Variants in GSK3B observed in about 807,000 individuals in gnomAD.
GSK3B encodes glycogen synthase kinase-3 beta.
Under a neutral mutation model 56.4 loss-of-function variants are expected in GSK3B, and 15 were observed. The observed-to-expected ratio is 0.27, with a 90% CI of 0.18 to 0.41. The LOEUF is 0.41. Ranked by LOEUF, GSK3B falls within the 10% of genes least tolerant of loss-of-function variation. The pLI, the probability that GSK3B is intolerant of heterozygous loss-of-function variation, is 1.00. For synonymous variants in GSK3B, 181 were observed against 188.9 expected (o/e 0.96, Z 0.34); for missense variants, 300 against 513.4 (o/e 0.58, Z 4.02).
intron 7 of GSK3B, among the ~76,000 whole-genome samples, chr3:119,880,848 T>C (rs974027146): frequency 2.0e-5 from 3 of 152,092 alleles, no homozygotes; most frequent in Non-Finnish European, 4.4e-5. Context: ...AATAAGCTTA[T>C]CAACAATTCC....
At chr3:119,990,097 A>G (rs577400493) in intron 2 of GSK3B, among the ~76,000 whole-genome samples, 1 of 152,298 alleles carries the variant, frequency 6.6e-6, no homozygotes, top group Non-Finnish European at 1.5e-5. Flanking sequence ...ATGACCATAA[A>G]CCACAAATAA....
chr3:120,026,959 T>C (rs1272388999), intron 1 of GSK3B, among the ~76,000 whole-genome samples: 1 of 151,060 alleles, frequency 6.6e-6, no homozygotes, highest in Non-Finnish European at 1.5e-5. Flanking sequence ...TAATCCCAGC[T>C]ACTTGGGAGG....
At chr3:119,930,351 G>T (rs1409007038) in intron 3 of GSK3B, among the ~76,000 whole-genome samples, 1 of 151,772 alleles carries the variant, frequency 6.6e-6, no homozygotes, top group Non-Finnish European at 1.5e-5. Context: ...ACGCAATAAG[G>T]GGCAACAGTT....
chr3:120,034,737 A>C (rs1439056917), intron 1 of GSK3B, among the ~76,000 whole-genome samples: 2 of 152,194 alleles, frequency 1.3e-5, no homozygotes, highest in African/African-American at 4.8e-5. Context: ...TTAAACTCCT[A>C]ATCACAAAGT....
intron 1 of GSK3B, among the ~76,000 whole-genome samples, chr3:120,086,553 T>C (rs181684814): frequency 7.1e-4 from 108 of 152,254 alleles, no homozygotes; most frequent in Admixed American, 1.6e-3. Flanking sequence ...ATCCCAGCAC[T>C]GTGGGAGGCT....
chr3:119,876,942 A>G (rs2056321856), intron 7 of GSK3B, among the ~76,000 whole-genome samples: 2 of 152,294 alleles, frequency 1.3e-5, no homozygotes, highest in South Asian at 4.1e-4. Context: ...TCCAGTCTCT[A>G]GAACAGTGAA....
intron 1 of GSK3B, among the ~76,000 whole-genome samples, chr3:120,017,172 C>CTA (rs1327285604): frequency 6.6e-6 from 1 of 152,038 alleles, no homozygotes; most frequent in Non-Finnish European, 1.5e-5. Context: ...AATTAGTACG[C>CTA]TATACATGGA....
Position 120,000,654 on chromosome 3 carries a change from G to A in GSK3B, c.282+1392C>T, listed in dbSNP as rs145994229. Among the ~76,000 whole-genome samples, 491 of 151,950 alleles carry A rather than the reference G, an allele frequency of 3.2e-3. 3 individuals are homozygous for A. Among genetic ancestry groups the A allele is most frequent in the African/African-American group, 0.011 (449 of 41,440 alleles). On this transcript the variant is annotated intron_variant, in intron 2 of 10. Coordinates refer to ENST00000264235, the MANE Select transcript of GSK3B (RefSeq NM_001146156.2). ...TAGTGACAGAGGCTTAATTACACCC[G>A]GTGTCTTCTGACTCTCTCTGCTATA... is the stretch of plus-strand genomic sequence containing the variant.
chr3:120,030,222 G>C (rs1290205106), intron 1 of GSK3B, among the ~76,000 whole-genome samples: 1 of 152,060 alleles, frequency 6.6e-6, no homozygotes, highest in Non-Finnish European at 1.5e-5. Context: ...TTCTAGGCTT[G>C]GTCCTAGACT....
At chr3:119,856,463 G>T (rs990181645) in intron 9 of GSK3B, among the ~76,000 whole-genome samples, 1 of 152,136 alleles carries the variant, frequency 6.6e-6, no homozygotes, top group Non-Finnish European at 1.5e-5. Flanking sequence ...CAAAGTAGCA[G>T]GGTGGACCAA....
intron 1 of GSK3B, among the ~76,000 whole-genome samples, chr3:120,024,178 T>G (rs2057903943): frequency 6.6e-6 from 1 of 152,020 alleles, no homozygotes; most frequent in Non-Finnish European, 1.5e-5. Flanking sequence ...AAAAAAAATT[T>G]TTTTTTAATT....
intron 1 of GSK3B, chr3:120,084,478 A>G (rs1050296094): frequency 3.3e-5 from 5 of 152,204 alleles, no homozygotes; most frequent in Non-Finnish European, 7.4e-5. Context: ...CTTCTGCACT[A>G]TTTGATTTCT....
chr3:119,949,502 C>A (rs911926897), intron 2 of GSK3B, among the ~76,000 whole-genome samples: 1 of 151,962 alleles, frequency 6.6e-6, no homozygotes, highest in Non-Finnish European at 1.5e-5. Flanking sequence ...AAAGATAATA[C>A]GGCTGCATCA....
chr3:119,946,146 T>A (rs1170635838), intron 3 of GSK3B, among the ~76,000 whole-genome samples: 2 of 151,670 alleles, frequency 1.3e-5, no homozygotes, highest in Non-Finnish European at 2.9e-5. Context: ...CTAACTATAG[T>A]TGTTAAAACG....
chr3:119,929,184 T>C (rs1167719293), intron 3 of GSK3B, among the ~76,000 whole-genome samples: 5 of 152,154 alleles, frequency 3.3e-5, no homozygotes, highest in African/African-American at 9.7e-5. Context: ...TCAGTTCCCA[T>C]TGTAAATGAG....
chr3:120,042,554 G>A (rs929103556), intron 1 of GSK3B, among the ~76,000 whole-genome samples: 14 of 152,264 alleles, frequency 9.2e-5, no homozygotes, highest in Admixed American at 3.3e-4. Flanking sequence ...TGCCTCTAAC[G>A]GGTTGTCTAA....
intron 1 of GSK3B, among the ~76,000 whole-genome samples, chr3:120,060,125 T>A (rs1401236352): frequency 6.6e-6 from 1 of 152,136 alleles, no homozygotes; most frequent in Non-Finnish European, 1.5e-5. Flanking sequence ...GGTGCTTATA[T>A]CTTAAAATCG....
intron 2 of GSK3B, among the ~76,000 whole-genome samples, chr3:119,950,338 G>T (rs145300785): frequency 3.9e-5 from 6 of 152,304 alleles, no homozygotes; most frequent in African/African-American, 1.4e-4. Flanking sequence ...AGGAGGTTAA[G>T]ATATGAACAT....
At chr3:120,050,603 C>T (rs1460549077) in intron 1 of GSK3B, among the ~76,000 whole-genome samples, 4 of 151,888 alleles carry the variant, frequency 2.6e-5, no homozygotes, top group African/African-American at 2.4e-5. Flanking sequence ...AAGCCAGGGG[C>T]GTCTATGGAT....
Sources: allele counts gnomAD v4.1 joint callset (sites outside exome capture counted in the v4.1 genomes callset), GRCh38; gene constraint gnomAD v4.1.1; transcripts MANE v1.5; gene names NCBI Gene and HGNC (gene_info 2026-07-23, HGNC 2026-07-21).